Variants in UBN1 observed in about 807,000 individuals in gnomAD.
UBN1 encodes the protein ubinuclein-1.
A neutral mutation model predicts 108.5 loss-of-function variants in UBN1; 17 were observed. The observed-to-expected ratio is 0.16, with a 90% CI of 0.11 to 0.24. The LOEUF is 0.24. UBN1 is among the 10% of genes least tolerant of loss of function. The probability of loss-of-function intolerance (pLI) is 1.00; values close to 1 mark genes in which losing one functional copy is unlikely to be tolerated. For synonymous variants in UBN1, 726 were observed against 564.2 expected (o/e 1.29, Z -4.07); for missense variants, 1,595 against 1,394.4 (o/e 1.14, Z -2.29).
intron 7 of UBN1, among the ~76,000 whole-genome samples, chr16:4,867,407 T>G (rs1189998932): frequency 2.0e-5 from 3 of 152,300 alleles, no homozygotes; most frequent in African/African-American, 7.2e-5. Flanking sequence ...GAGGGCTAAC[T>G]TTTTGTATAG....
chr16:4,869,001 A>C, intron 8 of UBN1, 98 bp downstream of exon 8: 2 of 1,172,606 alleles, frequency 1.7e-6, no homozygotes, highest in Admixed American at 4.6e-5. Flanking sequence ...ATTGAACTGC[A>C]TAAAGGTGAC....
Position 4,874,710 on chromosome 16 carries a change from C to G in UBN1, c.2300C>G (p.Ala767Gly). The G allele has an allele frequency of 6.2e-7, 1 of 1,614,144 alleles. No homozygotes were observed. The highest frequency in any genetic ancestry group is 8.5e-7 in the Non-Finnish European group (1 of 1,180,048). Residue 767 changes from alanine to glycine, a missense_variant, in exon 15 of 18, where the codon GCT (alanine) becomes GGT (glycine). Physicochemically the swap from Ala to Gly is moderately conservative, Grantham distance 60. Coordinates refer to ENST00000262376, the MANE Select transcript of UBN1 (RefSeq NM_001079514.3). The stretch of plus-strand genomic sequence containing the variant: ...GGCTACAAAGAGCTGTCCTGCCAGG[C>G]TCCCCTCAATAAGGGCCTGCCAGAA... Reference protein sequence around the residue: ...SSGYKELSCQAPLNKGLPEVH... With the variant: ...SSGYKELSCQGPLNKGLPEVH...
In UBN1 at chr16:4,860,882, C is replaced by G. The variant is rs777989758; in HGVS notation, c.890C>G (p.Ser297Cys). 2.1e-5 allele frequency: 34 copies of G among 1,614,164 alleles called. No individual in the cohort carries two copies. The highest frequency in any genetic ancestry group is 2.7e-5 in the Non-Finnish European group (32 of 1,180,064). ...DPLLSLFGSTSDNDLLQAATA... is the reference protein window; with the variant it reads ...DPLLSLFGSTCDNDLLQAATA... ...TTGCTCTCACTCTTTGGCTCTACTT[C>G]TGACAACGACTTGCTCCAGGCGGCC... The change falls in exon 7 of 18, where the codon TCT (serine) becomes TGT (cysteine). Residue 297 changes from serine (S) to cysteine (C), a missense_variant. Physicochemically the swap from Ser to Cys is moderately radical, Grantham distance 112. Around this residue, in one of 3 missense-constraint regions of UBN1, gnomAD observed 1,398 missense variants for 1,194.7 expected, o/e 1.17. Transcript: ENST00000262376.
At chr16:4,864,116 C>G (rs1344684094) in intron 7 of UBN1, among the ~76,000 whole-genome samples, 1 of 136,718 alleles carries the variant, frequency 7.3e-6, no homozygotes, top group Admixed American at 8.0e-5. Flanking sequence ...AGTCTGACTC[C>G]ATCACCCAGG....
rs2086251749 is a variant in UBN1 at position 4,847,512 on chromosome 16, A to G, written c.-738A>G. 5.9e-6 allele frequency: 3 copies of G among 511,312 alleles called. No homozygotes were observed. Among genetic ancestry groups the G allele is most frequent in the African/African-American group, 2.1e-5 (1 of 48,662 alleles). 31.7% of individuals were successfully genotyped at this position (511,312 alleles called of 1,614,324 possible). ...TTCCCCCTCCCTTCGGCTCGTGACA[A>G]CGAAGCGCCCGCGGTCTGAGGCGGC... On this transcript the variant is annotated 5_prime_UTR_variant, in exon 1 of 18. Transcript: ENST00000262376.
chr16:4,860,438 G>A (rs564233554), intron 6 of UBN1, among the ~76,000 whole-genome samples: 2 of 152,272 alleles, frequency 1.3e-5, no homozygotes, highest in South Asian at 2.1e-4. Flanking sequence ...AAAACCCGTC[G>A]GAAATTTAGC....
In UBN1 at chr16:4,874,370, C is replaced by G. The variant is rs773370430; in HGVS notation, c.1960C>G (p.Pro654Ala). 3 of 1,614,138 alleles carry G rather than the reference C, an allele frequency of 1.9e-6. No homozygotes were observed. The highest frequency in any genetic ancestry group is 2.5e-6 in the Non-Finnish European group (3 of 1,180,030). Residue 654 changes from proline to alanine, a missense_variant, in exon 15 of 18, where the codon CCT becomes GCT. By Grantham distance (27) the Pro-to-Ala change is conservative (BLOSUM62 -1). This residue lies in a region of UBN1 where 1,398 missense variants were observed against 1,194.7 expected (regional missense o/e 1.17). Transcript: ENST00000262376. ...QASGGLANPP[P>A]VNLEDSLDED... ...ATCGGGCGGCCTTGCTAACCCTCCTCCTGTCAACCTGGAGGACTCATTGGA... is the reference window on the plus strand; with the variant it reads ...ATCGGGCGGCCTTGCTAACCCTCCTGCTGTCAACCTGGAGGACTCATTGGA...
chr16:4,868,859 C>G lies in UBN1; in HGVS notation c.1137C>G (p.Ser379Arg). The change falls in exon 8 of 18, where the codon AGC (serine) becomes AGG (arginine). Residue 379 changes from serine (S) to arginine (R), a missense_variant. Physicochemically the swap from Ser to Arg is moderately radical, Grantham distance 110. Transcript: ENST00000262376. The stretch of plus-strand genomic sequence containing the variant: ...CTGCCAGAGCTGCTGAGGGGGAGAG[C>G]AGACAGAAGTTCTTCACCCAGGATA... Reference protein sequence around the residue: ...AQAARAAEGESRQKFFTQDIN... With the variant: ...AQAARAAEGERRQKFFTQDIN... 6.2e-7 allele frequency: 1 copy of G among 1,613,802 alleles called. No individual in the cohort carries two copies. The highest frequency in any genetic ancestry group is 8.5e-7 in the Non-Finnish European group (1 of 1,179,838).
intron 17 of UBN1, among the ~76,000 whole-genome samples, chr16:4,878,016 A>G (rs896056629): frequency 2.6e-5 from 4 of 151,654 alleles, no homozygotes; most frequent in Non-Finnish European, 5.9e-5. Context: ...AAGTGTGAAA[A>G]CTCCATCAGA....
At position 4,877,843 on chromosome 16, in the gene UBN1, G is replaced by A; in HGVS notation, c.3355+369G>A. Reference sequence around the variant, plus strand: ...AGGTAATGGTGCATCTTCTCCAAGGGCTAATTGGGTACAACAAGGTCTTGG... The same window carrying A: ...AGGTAATGGTGCATCTTCTCCAAGGACTAATTGGGTACAACAAGGTCTTGG... On this transcript the variant is annotated intron_variant, in intron 17 of 17. Coordinates refer to ENST00000262376, the MANE Select transcript of UBN1 (RefSeq NM_001079514.3). This position sits in a 1 kb window ranked among gnomAD's most constrained non-coding sequence, Gnocchi z 4.3. The A allele has an allele frequency of 9.9e-7, 1 of 1,007,878 alleles. No homozygotes were observed. The highest frequency in any genetic ancestry group is 1.2e-6 in the Non-Finnish European group (1 of 845,216). 62.4% of individuals were successfully genotyped at this position (1,007,878 alleles called of 1,614,324 possible). A position where few individuals can be genotyped will look rare whatever the true frequency, so the allele number is the denominator to read the frequency against.
intron 7 of UBN1, among the ~76,000 whole-genome samples, chr16:4,864,840 T>G (rs1252786933): frequency 1.3e-5 from 2 of 151,806 alleles, no homozygotes. Flanking sequence ...CAGGGAGAGA[T>G]GGATCCAAAG....
At position 4,877,275 on chromosome 16, in the gene UBN1, C is replaced by T; in HGVS notation, c.3266-110C>T. 6.6e-7 allele frequency: 1 copy of T among 1,522,718 alleles called. No homozygotes were observed. The highest frequency in any genetic ancestry group is 8.8e-7 in the Non-Finnish European group (1 of 1,131,134). The allele number at this position is 1,522,718 out of a possible 1,614,324, so 94.3% of individuals were successfully genotyped here. ...CCCACTGCCCCTTTGGGTGTGGTGC[C>T]CAGACTGGCCTGGCAGGTTATCGGG... On this transcript the variant is annotated intron_variant, in intron 16 of 17. Coordinates refer to ENST00000262376, the MANE Select transcript of UBN1 (RefSeq NM_001079514.3). This position sits in a 1 kb window ranked among gnomAD's most constrained non-coding sequence, Gnocchi z 4.3.
chr16:4,853,637 A>G (rs1049695583), intron 2 of UBN1, among the ~76,000 whole-genome samples: 2 of 149,882 alleles, frequency 1.3e-5, no homozygotes, highest in South Asian at 4.2e-4. Flanking sequence ...GGCTCACTGT[A>G]ACCTCCGCCT....
At position 4,859,916 on chromosome 16, in the gene UBN1, G is replaced by C. The variant is rs2086981411; in HGVS notation, c.619G>C (p.Asp207His). The change falls in exon 6 of 18, where the codon GAC (aspartate) becomes CAC (histidine). Residue 207 changes from aspartate (D) to histidine (H), a missense_variant. By Grantham distance (81) the Asp-to-His change is moderately conservative. Coordinates refer to ENST00000262376, the MANE Select transcript of UBN1 (RefSeq NM_001079514.3). ...GAAGATAAAGAAGAAGAAAAAAGAT[G>C]ACACTTATGACAAGGAGAAGAAATC... ...GEKIKKKKKD[D>H]TYDKEKKSKK... is the part of the protein sequence containing the mutation. 6.2e-6 allele frequency: 10 copies of C among 1,614,138 alleles called. No homozygotes were observed. The East Asian group carries it at 2.2e-4, about 36-fold the overall frequency.
intron 2 of UBN1, among the ~76,000 whole-genome samples, chr16:4,854,036 G>C (rs932078582): frequency 1.3e-5 from 2 of 151,992 alleles, no homozygotes; most frequent in Middle Eastern, 3.4e-3. Flanking sequence ...TAGATTTGTG[G>C]GGTTTTTTTG....
intron 3 of UBN1, among the ~76,000 whole-genome samples, chr16:4,858,366 T>C (rs936023246): frequency 4.6e-5 from 7 of 152,238 alleles, no homozygotes; most frequent in Admixed American, 3.9e-4. Context: ...TTTTCTGTCC[T>C]AGGACATTTT....
intron 7 of UBN1, among the ~76,000 whole-genome samples, chr16:4,864,464 A>G (rs1031277848): frequency 6.6e-6 from 1 of 152,210 alleles, no homozygotes; most frequent in African/African-American, 2.4e-5. Context: ...CACGTTCACT[A>G]CATTCTCACA....
At position 4,863,025 on chromosome 16, in the gene UBN1, C is replaced by T. The variant is rs1274123116; in HGVS notation, c.1110+1923C>T. Among the ~76,000 whole-genome samples the T allele has an allele frequency of 2.0e-5, 3 of 152,196 alleles. No homozygotes were observed. In the East Asian group the frequency reaches 5.8e-4, roughly 29 times the overall value. On this transcript the variant is annotated intron_variant, in intron 7 of 17. Transcript: ENST00000262376. ...TTGATATTCGAGTCTTCACATTGCCCTTCTCCTATAACAGCATTAAGAAAC... is the reference window on the plus strand; with the variant it reads ...TTGATATTCGAGTCTTCACATTGCCTTTCTCCTATAACAGCATTAAGAAAC...
intron 2 of UBN1, 150 bp downstream of exon 2, chr16:4,853,316 G>C: frequency 9.0e-7 from 1 of 1,111,106 alleles, no homozygotes; most frequent in Non-Finnish European, 1.2e-6. Context: ...CACAAGATTT[G>C]CTTCTCTTAC....
Sources: gnomAD v4.1 joint callset for allele counts (sites outside exome capture counted in the v4.1 genomes callset) on GRCh38, gnomAD v4.1.1 for gene constraint, gnomAD v4.1.1 regional missense constraint, Gnocchi (gnomAD v3.1) non-coding constraint, MANE v1.5 for transcripts, NCBI Gene and HGNC (gene_info 2026-07-23, HGNC 2026-07-21) for gene names.